The following GCN1 variants were observed in gnomAD, a reference collection of about 807,000 sequenced individuals.
GCN1 encodes the protein GCN1 activator of EIF2AK4.
Under a neutral mutation model 288.4 loss-of-function variants are expected in GCN1, and 90 were observed. That is an observed-to-expected ratio of 0.31 (90% CI 0.26 to 0.37). GCN1 has a LOEUF of 0.37. GCN1 is among the 10% of genes least tolerant of loss of function. GCN1 has a pLI of 1.00. For missense variants in GCN1, 2,586 were observed against 3,419.9 expected (o/e 0.76, Z 6.08); for synonymous variants, 1,386 against 1,420.2 (o/e 0.98, Z 0.54).
rs372173704 is a variant in GCN1 at position 120,157,017 on chromosome 12, G to A, written c.3088-25C>T. On this transcript the variant is annotated intron_variant, in intron 26 of 57. Transcript: ENST00000300648. ...TCTAGGAGAGAACGGCAGGTAAGTC[G>A]AGATGAGGCTGTGGGGAGGTCTGTA... is the stretch of plus-strand genomic sequence containing the variant. 6.4e-5 allele frequency: 100 copies of A among 1,550,816 alleles called. No homozygotes were observed. The Admixed American group carries it at 6.7e-4, about 10-fold the overall frequency.
Position 120,144,274 on chromosome 12 carries a change from T to C in GCN1, c.5495+32A>G, listed in dbSNP as rs1877289859. The C allele has an allele frequency of 5.6e-6, 9 of 1,613,246 alleles. No homozygotes were observed. The highest frequency in any genetic ancestry group is 7.6e-6 in the Non-Finnish European group (9 of 1,179,228). ...TATAGGCATGAGCCACCACGCATCATCCCCACTGGGTCTTTCTGCCCAAGT... is the reference window on the plus strand; with the variant it reads ...TATAGGCATGAGCCACCACGCATCACCCCCACTGGGTCTTTCTGCCCAAGT... On this transcript the variant is annotated intron_variant, in intron 42 of 57. Coordinates refer to ENST00000300648, the MANE Select transcript of GCN1 (RefSeq NM_006836.2). This position sits in a 1 kb window ranked among gnomAD's most constrained non-coding sequence, Gnocchi z 4.7.
In GCN1 at chr12:120,158,602, G is replaced by A. The variant is rs781536372; in HGVS notation, c.2763C>T (p.Ser921=). 6.2e-7 allele frequency: 1 copy of A among 1,606,352 alleles called. No homozygotes were observed. The highest frequency in any genetic ancestry group is 8.5e-7 in the Non-Finnish European group (1 of 1,176,268). Residue 921 remains serine, a synonymous_variant, in exon 25 of 58, where the codon AGC becomes AGT. Transcript: ENST00000300648. This position sits in a 1 kb window ranked among gnomAD's most constrained non-coding sequence, Gnocchi z 4.3. ...GCTTCAGCAGGCGCAGGGTCACGTGGCTCACCAAAGTGCCTGTGTTGAAGA... is the reference window on the plus strand; with the variant it reads ...GCTTCAGCAGGCGCAGGGTCACGTGACTCACCAAAGTGCCTGTGTTGAAGA... The part of the protein sequence containing the change: ...SRLKALGTLV[S]HVTLRLLKPE...
Position 120,173,696 on chromosome 12 carries a change from C to A in GCN1, c.1323G>T (p.Ala441=). 1 of 1,611,802 alleles carries A rather than the reference C, an allele frequency of 6.2e-7. No individual in the cohort carries two copies. Among genetic ancestry groups the A allele is most frequent in the South Asian group, 1.1e-5 (1 of 91,040 alleles). ...TGCACTGCAGGTAGGCATGCCTCAC[C>A]GCAGATGTGGAGGTTTTAAGGCTGA... ...KAFSLKTSTS[A]VRHAYLQCML... Residue 441 remains alanine, a synonymous_variant, in exon 14 of 58, where the codon GCG becomes GCT. Transcript: ENST00000300648.
chr12:120,150,586 A>AAAAG lies in GCN1; in HGVS notation c.4310-547_4310-544dup, dbSNP rs766827133. 8.1e-4 allele frequency among the ~76,000 whole-genome samples: 122 copies of AAAAG among 150,322 alleles called. 1 individual carries two copies. The highest frequency in any genetic ancestry group is 1.3e-3 in the Non-Finnish European group (91 of 67,724). ...CAGAGTGGGACTCCATCTCAAAAAAAAAAGAAAGAAAGAAAGAAAGAAAAG... is the reference window on the plus strand; with the variant it reads ...CAGAGTGGGACTCCATCTCAAAAAAAAAAGAAAGAAAGAAAGAAAGAAAGAAAAG... On this transcript the variant is annotated intron_variant, in intron 34 of 57. Coordinates refer to ENST00000300648, the MANE Select transcript of GCN1 (RefSeq NM_006836.2).
intron 53 of GCN1, 24 bp from the exon 54 acceptor site, chr12:120,132,046 AG>A: frequency 2.1e-6 from 3 of 1,452,428 alleles, no homozygotes; most frequent in South Asian, 1.2e-5. Flanking sequence ...GAAGGGAGTG[AG>A]GGGGTGCAGG....
At chr12:120,193,035 T>A (rs1347362688) in intron 1 of GCN1, among the ~76,000 whole-genome samples, 1 of 151,150 alleles carries the variant, frequency 6.6e-6, no homozygotes, top group African/African-American at 2.4e-5. Context: ...AAACTCCGTC[T>A]CAAAAAATAA....
intron 37 of GCN1, 89 bp from the exon 38 acceptor site, chr12:120,147,361 A>T (rs961875481): frequency 9.9e-6 from 6 of 608,142 alleles, no homozygotes; most frequent in Non-Finnish European, 1.6e-5. Flanking sequence ...GGATCAGAAG[A>T]GAAGGGAGTC....
At chr12:120,168,460 T>A in intron 15 of GCN1, 160 bp from the exon 16 acceptor site, 1 of 604,086 alleles carries the variant, frequency 1.7e-6, no homozygotes. Context: ...TCAGTCCTTC[T>A]GGTATCACCT....
At chr12:120,157,741 C>A (rs1303557846) in intron 26 of GCN1, 108 bp downstream of exon 26, 1 of 905,850 alleles carries the variant, frequency 1.1e-6, no homozygotes, top group Non-Finnish European at 1.7e-6. Flanking sequence ...TATAAACATA[C>A]ACTCTCTATT....
rs889925326 is a variant in GCN1, at chr12:120,148,412, G to A, written c.4547-66C>T. On this transcript the variant is annotated intron_variant, in intron 36 of 57. Transcript: ENST00000300648. ...CAAAGGCCAGCAACTCACCTGTGCT[G>A]GCTACATGAGCAAGGGACATCTACC... 6.7e-6 allele frequency: 9 copies of A among 1,340,756 alleles called. No individual in the cohort carries two copies. The African/African-American group carries it at 8.7e-5, about 13-fold the overall frequency. The allele number at this position is 1,340,756 out of a possible 1,614,324, so 83.1% of individuals were successfully genotyped here. A position where few individuals can be genotyped will look rare whatever the true frequency, so the allele number is the denominator to read the frequency against.
chr12:120,180,191 G>C (rs1332479210), intron 5 of GCN1, among the ~76,000 whole-genome samples: 1 of 151,872 alleles, frequency 6.6e-6, no homozygotes, highest in Non-Finnish European at 1.5e-5. Flanking sequence ...CTGTAACCAA[G>C]CTACTCGGGA....
At chr12:120,138,472 G>A in intron 46 of GCN1, 57 bp from the exon 47 acceptor site, 1 of 1,155,540 alleles carries the variant, frequency 8.7e-7, no homozygotes, top group Admixed American at 1.7e-5. Context: ...GTCTCAACCA[G>A]CCACCGCCAA....
At chr12:120,140,295 G>T in intron 45 of GCN1, among the ~76,000 whole-genome samples, 1 of 152,134 alleles carries the variant, frequency 6.6e-6, no homozygotes, top group Middle Eastern at 3.2e-3. Flanking sequence ...CCCCAGGGTG[G>T]TCTCCAGGAT....
chr12:120,173,964 G>A (rs1878389141), intron 13 of GCN1, 107 bp downstream of exon 13: 2 of 1,012,180 alleles, frequency 2.0e-6, no homozygotes, highest in Admixed American at 2.0e-5. Context: ...CTTGCTCTGA[G>A]GGAGGTGTGT....
chr12:120,132,194 T>C (rs12582981), intron 53 of GCN1, among the ~76,000 whole-genome samples, 172 bp from the exon 54 acceptor site: 2,365 of 152,302 alleles, frequency 0.016, 46 homozygotes, highest in East Asian at 0.1. Context: ...CCCTGCCAGA[T>C]TGGGCTGCCA....
chr12:120,181,465 C>CAAAAAA (rs71072594), intron 5 of GCN1, among the ~76,000 whole-genome samples: 6,003 of 73,574 alleles, frequency 0.082, 822 homozygotes, highest in Admixed American at 0.11. Flanking sequence ...ATCTTTGTCT[C>CAAAAAA]AAAAAAAAAA....
chr12:120,184,826 A>G lies in GCN1; in HGVS notation c.183T>C (p.Tyr61=), dbSNP rs1219042773. 4 of 1,605,670 alleles carry G rather than the reference A, an allele frequency of 2.5e-6. No homozygotes were observed. Among genetic ancestry groups the G allele is most frequent in the South Asian group, 1.1e-5 (1 of 90,910 alleles). ...TGGGGCCTTTGGCTGGGACTCACCT[A>G]TATCGATGCAGAGTCAAGCAGAACA... ...CKLFCLTLHR[Y]RDAASRRALQ... Residue 61 remains tyrosine (Y), a splice_region_variant and synonymous_variant, in exon 3 of 58, where the codon TAT becomes TAC. Transcript: ENST00000300648.
In GCN1 at chr12:120,144,023, T is replaced by C. The variant is rs982618370; in HGVS notation, c.5495+283A>G. Among the ~76,000 whole-genome samples, 6 of 152,142 alleles carry C rather than the reference T, an allele frequency of 3.9e-5. No individual in the cohort carries two copies. Among genetic ancestry groups the C allele is most frequent in the African/African-American group, 1.4e-4 (6 of 41,436 alleles). On this transcript the variant is annotated intron_variant, in intron 42 of 57. Coordinates refer to ENST00000300648, the MANE Select transcript of GCN1 (RefSeq NM_006836.2). This position sits in a 1 kb window ranked among gnomAD's most constrained non-coding sequence, Gnocchi z 4.7. The stretch of plus-strand genomic sequence containing the variant: ...ACAGCGTCTTGCTCTGTTGCCCAGG[T>C]TGGAGTGCAGTGGCACAATCTCGGC...
At chr12:120,184,976 C>T in intron 2 of GCN1, 89 bp from the exon 3 acceptor site, 8 of 830,032 alleles carry the variant, frequency 9.6e-6, no homozygotes, top group South Asian at 9.5e-5. Context: ...ATGATCTCAG[C>T]CCACTGGACA....
Sources: allele counts gnomAD v4.1 joint callset (sites outside exome capture counted in the v4.1 genomes callset), GRCh38; gene constraint gnomAD v4.1.1; non-coding constraint Gnocchi (gnomAD v3.1); transcripts MANE v1.5; gene names NCBI Gene and HGNC (gene_info 2026-07-23, HGNC 2026-07-21).